Variants in TIAM2 observed in about 807,000 individuals in gnomAD.
TIAM2 encodes rho guanine nucleotide exchange factor TIAM2.
Under a neutral mutation model 152.9 loss-of-function variants are expected in TIAM2, and 80 were observed. The ratio of observed to expected loss-of-function variants is 0.52; its 90% CI spans 0.44 to 0.63. TIAM2 has a LOEUF of 0.63. Ranked by LOEUF, TIAM2 falls within the 30% of genes least tolerant of loss-of-function variation. The probability of loss-of-function intolerance (pLI) is 0.00; values close to 1 mark genes in which losing one functional copy is unlikely to be tolerated. For synonymous variants in TIAM2, 804 were observed against 838.0 expected (o/e 0.96, Z 0.70); for missense variants, 1,965 against 2,120.1 (o/e 0.93, Z 1.44).
chr6:155,191,446 G>C (rs571520633), intron 14 of TIAM2, among the ~76,000 whole-genome samples: 2 of 152,268 alleles, frequency 1.3e-5, no homozygotes, highest in African/African-American at 4.8e-5. Flanking sequence ...TCTTCCAGAG[G>C]TCATCATTGT....
At chr6:155,051,810 A>G (rs1475376888) in intron 1 of TIAM2, among the ~76,000 whole-genome samples, 1 of 151,978 alleles carries the variant, frequency 6.6e-6, no homozygotes, top group Non-Finnish European at 1.5e-5. Context: ...ACGCCCAGCT[A>G]ATTTTTTTTA....
At position 155,007,447 on chromosome 6, in the gene TIAM2, C is replaced by G. The variant is rs143325478; in HGVS notation, c.-209+11955C>G. ...TCGCCCAGGCTGGAGTACAGTGGCA[C>G]AATCTCGGCTCACTGCAAGCTCCGC... On this transcript the variant is annotated intron_variant, in intron 1 of 26. Transcript: ENST00000682666. Among the ~76,000 whole-genome samples the G allele has an allele frequency of 5.2e-3, 785 of 150,670 alleles. 6 individuals are homozygous for G. Among genetic ancestry groups the G allele is most frequent in the African/African-American group, 0.018 (743 of 40,978 alleles).
intron 2 of TIAM2, among the ~76,000 whole-genome samples, chr6:155,110,318 C>CTTTTCTTT (rs1254574468): frequency 0.041 from 5,544 of 133,772 alleles, 220 homozygotes; most frequent in African/African-American, 0.11. Context: ...TCTTTCTTTT[C>CTTTTCTTT]TTTTTTTTTT....
At chr6:155,240,407 C>A (rs2115308127) in intron 15 of TIAM2, 123 bp from the exon 16 acceptor site, 3 of 1,051,184 alleles carry the variant, frequency 2.9e-6, no homozygotes, top group Non-Finnish European at 4.0e-6. Context: ...ACCCTTTGCC[C>A]TACACAGAGG....
chr6:155,160,269 A>T (rs1286106531), intron 7 of TIAM2, among the ~76,000 whole-genome samples: 1 of 152,116 alleles, frequency 6.6e-6, no homozygotes. Flanking sequence ...AGGGGGAAAA[A>T]AAGCCAGTGT....
chr6:155,028,240 A>G (rs1450377821), intron 1 of TIAM2, among the ~76,000 whole-genome samples: 2 of 130,746 alleles, frequency 1.5e-5, no homozygotes, highest in South Asian at 2.4e-4. Context: ...TACATATAAT[A>G]TATGTACTGT....
At chr6:155,036,975 A>G (rs1392705493) in intron 1 of TIAM2, among the ~76,000 whole-genome samples, 1 of 152,078 alleles carries the variant, frequency 6.6e-6, no homozygotes, top group African/African-American at 2.4e-5. Flanking sequence ...GGGCCCAGGG[A>G]ATTTCGCCTT....
intron 1 of TIAM2, among the ~76,000 whole-genome samples, chr6:155,069,607 A>G (rs1410041620): frequency 1.4e-5 from 2 of 140,244 alleles, no homozygotes; most frequent in Admixed American, 7.2e-5. Flanking sequence ...AAGGAATTAT[A>G]CTGTAAAATA....
At chr6:155,164,622 T>C in intron 8 of TIAM2, 22 bp downstream of exon 8, 2 of 1,593,076 alleles carry the variant, frequency 1.3e-6, no homozygotes, top group Non-Finnish European at 1.7e-6. Flanking sequence ...AGGAAGGCTG[T>C]TTCTGCAGCA....
intron 13 of TIAM2, 99 bp from the exon 14 acceptor site, chr6:155,183,138 T>C: frequency 6.8e-7 from 1 of 1,460,174 alleles, no homozygotes; most frequent in Non-Finnish European, 9.3e-7. Flanking sequence ...AAACAGTCCC[T>C]ACGAGTACAT....
chr6:155,005,216 G>A, intron 1 of TIAM2: 1 of 227,130 alleles, frequency 4.4e-6, no homozygotes, highest in Non-Finnish European at 9.6e-6. Flanking sequence ...AGGCCTGCCT[G>A]TCTTTCCACA....
intron 15 of TIAM2, among the ~76,000 whole-genome samples, chr6:155,221,294 C>A (rs1243558033): frequency 6.6e-6 from 1 of 152,100 alleles, no homozygotes; most frequent in African/African-American, 2.4e-5. Flanking sequence ...AGGTGGAATG[C>A]TGGCTCTGAA....
chr6:155,211,416 C>A (rs2115214233), intron 15 of TIAM2, 109 bp downstream of exon 15: 2 of 756,886 alleles, frequency 2.6e-6, no homozygotes, highest in East Asian at 5.6e-5. Context: ...CTAGGTCCAG[C>A]AGTTGATACA....
intron 10 of TIAM2, among the ~76,000 whole-genome samples, chr6:155,178,328 T>TTAA: frequency 6.6e-6 from 1 of 152,294 alleles, no homozygotes; most frequent in Middle Eastern, 3.4e-3. Context: ...TAGGACATTC[T>TTAA]TAAGTCTGTA....
At chr6:155,220,405 G>A (rs1454333476) in intron 15 of TIAM2, among the ~76,000 whole-genome samples, 6 of 152,214 alleles carry the variant, frequency 3.9e-5, no homozygotes, top group African/African-American at 1.4e-4. Flanking sequence ...CTTGAGCCTG[G>A]CGAGGCTGGT....
chr6:155,072,918 C>G (rs907898845), intron 1 of TIAM2, among the ~76,000 whole-genome samples: 1 of 151,990 alleles, frequency 6.6e-6, no homozygotes, highest in Non-Finnish European at 1.5e-5. Context: ...GAGGGTTCGT[C>G]CTTATTTTGG....
In TIAM2 at chr6:155,144,619, G is replaced by C; in HGVS notation, c.1644G>C (p.Leu548=). 6.5e-7 allele frequency: 1 copy of C among 1,544,510 alleles called. No homozygotes were observed. Among genetic ancestry groups the C allele is most frequent in the Non-Finnish European group, 8.7e-7 (1 of 1,153,334 alleles). Reference sequence around the variant, plus strand: ...TCTGTTTCACAGGATGCACGCTGCTGTTTTATGAGACCTATGGGAAGAATT... The same window carrying C: ...TCTGTTTCACAGGATGCACGCTGCTCTTTTATGAGACCTATGGGAAGAATT... ...YWVTLKGCTL[L]FYETYGKNSM... The change falls in exon 6 of 27, where the codon CTG becomes CTC. Residue 548 remains leucine, a synonymous_variant. Coordinates refer to ENST00000682666, the MANE Select transcript of TIAM2 (RefSeq NM_012454.4).
chr6:155,252,885 G>A (rs1259130206), intron 23 of TIAM2, 63 bp from the exon 24 acceptor site: 2 of 1,443,264 alleles, frequency 1.4e-6, no homozygotes, highest in Admixed American at 3.4e-5. Flanking sequence ...TATTCACTGT[G>A]CACACATCCT....
chr6:155,147,215 A>G (rs1211582586), intron 6 of TIAM2, among the ~76,000 whole-genome samples: 1 of 144,958 alleles, frequency 6.9e-6, no homozygotes, highest in Non-Finnish European at 1.5e-5. Context: ...TGTAGATGTA[A>G]TTTTATATCC....
Sources: allele counts gnomAD v4.1 joint callset (sites outside exome capture counted in the v4.1 genomes callset), GRCh38; gene constraint gnomAD v4.1.1; transcripts MANE v1.5; gene names NCBI Gene and HGNC (gene_info 2026-07-23, HGNC 2026-07-21).